TBC1D14: variants seen among roughly 807,000 people sequenced by gnomAD.
The protein encoded by TBC1D14 is TBC1 domain family, member 14.
TBC1D14 carries 26 observed loss-of-function variants against 79.0 expected under a neutral mutation model. That is an observed-to-expected ratio of 0.33 (90% confidence interval 0.24 to 0.46). The LOEUF (loss-of-function observed/expected upper bound fraction) is 0.46, where lower values mean the gene tolerates loss of function less well. Ranked by LOEUF, TBC1D14 falls within the 20% of genes least tolerant of loss-of-function variation. The pLI, the probability that TBC1D14 is intolerant of heterozygous loss-of-function variation, is 1.00. For missense variants in TBC1D14, 769 were observed against 887.6 expected (o/e 0.87, Z 1.70); for synonymous variants, 394 against 349.9 (o/e 1.13, Z -1.40).
chr4:6,918,332 G>A (rs549307711), intron 1 of TBC1D14, among the ~76,000 whole-genome samples: 40 of 152,344 alleles, frequency 2.6e-4, no homozygotes, highest in African/African-American at 8.7e-4. Context: ...TCCTAGGAAG[G>A]ATAGAGTTTT....
intron 2 of TBC1D14, among the ~76,000 whole-genome samples, chr4:6,947,131 C>T (rs577123580): frequency 5.9e-5 from 9 of 152,100 alleles, no homozygotes; most frequent in Non-Finnish European, 1.2e-4. Context: ...GAGGCCGAGG[C>T]GGGCGGATCA....
chr4:6,943,715 A>G (rs1198959327), intron 2 of TBC1D14, among the ~76,000 whole-genome samples: 2 of 150,432 alleles, frequency 1.3e-5, no homozygotes, highest in African/African-American at 2.5e-5. Context: ...ACACTAGCCC[A>G]CTCCCCGCCC....
chr4:6,978,628 A>G (rs1474531595), intron 3 of TBC1D14, among the ~76,000 whole-genome samples: 2 of 148,416 alleles, frequency 1.3e-5, no homozygotes, highest in African/African-American at 5.1e-5. Flanking sequence ...TCCTCTGCAT[A>G]GGAAAACCAG....
Position 7,010,925 on chromosome 4 carries a change from G to T in TBC1D14, c.1647+144G>T, listed in dbSNP as rs986294556. 14 of 1,012,262 alleles carry T rather than the reference G, an allele frequency of 1.4e-5. No homozygotes were observed. The African/African-American group carries it at 2.2e-4, about 16-fold the overall frequency. 62.7% of individuals were successfully genotyped at this position (1,012,262 alleles called of 1,614,324 possible). On this transcript the variant is annotated intron_variant, in intron 11 of 13. Transcript: ENST00000409757. ...AGAGTAAGCAGCACTGTAAGGTGGAGGATGATTTTGAGCAGCGTATTGCAT... is the reference window on the plus strand; with the variant it reads ...AGAGTAAGCAGCACTGTAAGGTGGATGATGATTTTGAGCAGCGTATTGCAT...
chr4:6,952,809 G>C (rs1233535279), intron 2 of TBC1D14, among the ~76,000 whole-genome samples: 2 of 152,002 alleles, frequency 1.3e-5, no homozygotes, highest in African/African-American at 4.8e-5. Context: ...AACCCATAGT[G>C]CATGCTGGTG....
intron 12 of TBC1D14, among the ~76,000 whole-genome samples, chr4:7,016,937 C>A (rs896183482): frequency 6.6e-6 from 1 of 152,164 alleles, no homozygotes. Flanking sequence ...GCTTCTCACA[C>A]ATGCTGTCTT....
chr4:6,936,558 G>T (rs1712351373), intron 2 of TBC1D14, among the ~76,000 whole-genome samples: 1 of 152,174 alleles, frequency 6.6e-6, no homozygotes. Flanking sequence ...GCTTCCAAGT[G>T]TTGGCAATTA....
Position 7,012,045 on chromosome 4 carries a change from A to G in TBC1D14, c.1647+1264A>G, listed in dbSNP as rs575851154. ...GCCGGGCATGGTGGCTTACGCCTGT[A>G]ATCCCAGCACTTTGGGAGGCCGAGG... On this transcript the variant is annotated intron_variant, in intron 11 of 13. Transcript: ENST00000409757. 7.2e-5 allele frequency among the ~76,000 whole-genome samples: 11 copies of G among 152,058 alleles called. No individual in the cohort carries two copies. The East Asian group carries it at 2.0e-3, about 27-fold the overall frequency.
intron 8 of TBC1D14, among the ~76,000 whole-genome samples, chr4:7,006,404 T>C (rs1720201850): frequency 6.6e-6 from 1 of 152,198 alleles, no homozygotes; most frequent in Non-Finnish European, 1.5e-5. Flanking sequence ...CTGGAAAATA[T>C]CTAATGATAA....
intron 3 of TBC1D14, among the ~76,000 whole-genome samples, chr4:6,986,504 A>G (rs1370580053): frequency 6.6e-6 from 1 of 152,112 alleles, no homozygotes; most frequent in South Asian, 2.1e-4. Flanking sequence ...GCTTCCTCTG[A>G]TGGAGACCTG....
intron 2 of TBC1D14, among the ~76,000 whole-genome samples, chr4:6,933,800 G>T (rs1446466564): frequency 6.7e-6 from 1 of 148,676 alleles, no homozygotes; most frequent in South Asian, 2.1e-4. Flanking sequence ...CTGAGGTGCT[G>T]TACTGAGAGG....
intron 2 of TBC1D14, among the ~76,000 whole-genome samples, chr4:6,947,961 G>A (rs1483638913): frequency 6.6e-6 from 1 of 152,154 alleles, no homozygotes; most frequent in African/African-American, 2.4e-5. Context: ...AAATGCAGGG[G>A]GAGGTGAGGT....
At chr4:7,026,481 A>G (rs948410408) in intron 13 of TBC1D14, among the ~76,000 whole-genome samples, 13 of 152,258 alleles carry the variant, frequency 8.5e-5, no homozygotes, top group Non-Finnish European at 1.2e-4. Context: ...GTTGGAATCA[A>G]GATCTAAATA....
intron 3 of TBC1D14, among the ~76,000 whole-genome samples, chr4:6,979,852 T>G (rs1717204815): frequency 6.6e-6 from 1 of 152,164 alleles, no homozygotes; most frequent in Non-Finnish European, 1.5e-5. Context: ...CATTACCTAA[T>G]GAAGACATAA....
At chr4:6,991,758 G>A (rs1718517806) in intron 3 of TBC1D14, among the ~76,000 whole-genome samples, 1 of 152,202 alleles carries the variant, frequency 6.6e-6, no homozygotes, top group African/African-American at 2.4e-5. Context: ...GGGGGCTGGT[G>A]TGGAGGAGAT....
At chr4:7,008,495 C>A (rs1019558927) in intron 9 of TBC1D14, among the ~76,000 whole-genome samples, 1 of 152,236 alleles carries the variant, frequency 6.6e-6, no homozygotes, top group African/African-American at 2.4e-5. Flanking sequence ...TCACCGCAGC[C>A]TCCGCCTCCC....
At chr4:6,965,748 T>C (rs867119055) in intron 2 of TBC1D14, among the ~76,000 whole-genome samples, 2 of 152,340 alleles carry the variant, frequency 1.3e-5, no homozygotes, top group Non-Finnish European at 1.5e-5. Flanking sequence ...ACTACCTTGC[T>C]CAGGTGAGTC....
intron 3 of TBC1D14, among the ~76,000 whole-genome samples, chr4:6,989,116 C>G (rs553154999): frequency 6.6e-6 from 1 of 152,104 alleles, no homozygotes; most frequent in South Asian, 2.1e-4. Context: ...TTGAAGCAGG[C>G]TTTTCCCCCG....
chr4:7,016,633 G>A (rs1485602011), intron 12 of TBC1D14, among the ~76,000 whole-genome samples: 2 of 152,228 alleles, frequency 1.3e-5, no homozygotes, highest in Non-Finnish European at 2.9e-5. Flanking sequence ...CCCAATGTGT[G>A]CAGAAACTTA....
Sources: allele counts gnomAD v4.1 joint callset (sites outside exome capture counted in the v4.1 genomes callset), GRCh38; gene constraint gnomAD v4.1.1; transcripts MANE v1.5; gene names NCBI Gene and HGNC (gene_info 2026-07-23, HGNC 2026-07-21).